Variants in LAMA3 observed in about 807,000 individuals in gnomAD.
LAMA3 encodes the protein laminin subunit alpha 3, also known as laminin subunit alpha-3.
LAMA3 carries 281 observed loss-of-function variants against 402.0 expected under a neutral mutation model. That is an observed-to-expected ratio of 0.70 (90% CI 0.63 to 0.77). LAMA3 has a LOEUF of 0.77. Among genes scored for constraint, LAMA3 ranks in the 30% least tolerant of loss-of-function variants. LAMA3 has a pLI of 0.00. For missense variants in LAMA3, 3,840 were observed against 4,215.5 expected, an observed-to-expected ratio of 0.91 and a Z score of 2.47; for synonymous variants, 1,431 against 1,558.4, an observed-to-expected ratio of 0.92 and a Z score of 1.93.
intron 19 of LAMA3, among the ~76,000 whole-genome samples, chr18:23,820,362 A>C (rs1037586450): frequency 6.6e-6 from 1 of 152,206 alleles, no homozygotes; most frequent in African/African-American, 2.4e-5. Context: ...CTTTAAAGCC[A>C]TTTGTGGAAA....
chr18:23,903,324 T>C (rs1201460817), intron 49 of LAMA3, among the ~76,000 whole-genome samples, 199 bp downstream of exon 49: 2 of 152,202 alleles, frequency 1.3e-5, no homozygotes, highest in Non-Finnish European at 2.9e-5. Flanking sequence ...TTCATATGTA[T>C]TACCTAATTT....
intron 57 of LAMA3, 29 bp from the exon 58 acceptor site, chr18:23,914,669 A>G (rs2081551345): frequency 1.3e-6 from 2 of 1,599,836 alleles, no homozygotes; most frequent in South Asian, 2.2e-5. Context: ...TTTTTGTTTA[A>G]CTTTATTATC....
intron 1 of LAMA3, among the ~76,000 whole-genome samples, chr18:23,707,070 C>T (rs1373197619): frequency 6.6e-6 from 1 of 152,192 alleles, no homozygotes; most frequent in Non-Finnish European, 1.5e-5. Context: ...AAGAGTGAAA[C>T]TCCGTCTCAA....
Position 23,914,565 on chromosome 18 carries a change from CA to C in LAMA3, c.7481+6del. 6.2e-7 allele frequency: 1 copy of C among 1,613,916 alleles called. No individual in the cohort carries two copies. Among genetic ancestry groups the C allele is most frequent in the Non-Finnish European group, 8.5e-7 (1 of 1,179,890 alleles). On this transcript the variant is annotated splice_donor_5th_base_variant and intron_variant, in intron 57 of 74. Coordinates refer to ENST00000313654, the MANE Select transcript of LAMA3 (RefSeq NM_198129.4). ...TGGATCGGGTGAAATTTCAGAGGTA[CA>C]AGTCTGATTGACTGTACCTGTGCTC...
intron 69 of LAMA3, 117 bp downstream of exon 69, chr18:23,944,088 G>A: frequency 9.8e-7 from 1 of 1,024,878 alleles, no homozygotes; most frequent in Non-Finnish European, 1.5e-6. Context: ...GGGAGAGCTT[G>A]TGTGCTTGCA....
chr18:23,935,224 G>A (rs1450254823), intron 67 of LAMA3, among the ~76,000 whole-genome samples: 1 of 152,220 alleles, frequency 6.6e-6, no homozygotes, highest in East Asian at 1.9e-4. Context: ...ACCCAGTCTG[G>A]GTTATTGGAT....
rs747034028 is a variant in LAMA3, at chr18:23,816,440, G to A, written c.2100G>A (p.Ser700=). 1.2e-5 allele frequency: 20 copies of A among 1,613,948 alleles called. 1 individual carries two copies. The highest frequency in any genetic ancestry group is 1.6e-5 in the Non-Finnish European group (19 of 1,180,010). Residue 700 remains serine, a synonymous_variant, in exon 18 of 75, where the codon TCG becomes TCA. Transcript: ENST00000313654. ...GALSSMCSGP[S]GVCQCREHVV... Reference sequence around the variant, plus strand: ...TGTCCTCCATGTGCAGTGGGCCCTCGGGAGTGTGCCAGTGCCGAGAGCATG... The same window carrying A: ...TGTCCTCCATGTGCAGTGGGCCCTCAGGAGTGTGCCAGTGCCGAGAGCATG...
intron 2 of LAMA3, among the ~76,000 whole-genome samples, chr18:23,715,949 C>G (rs1384723208): frequency 6.6e-6 from 1 of 152,154 alleles, no homozygotes; most frequent in Non-Finnish European, 1.5e-5. Context: ...CTTTCAACCT[C>G]TTTAGTCCAT....
At chr18:23,904,719 T>C (rs1357484314) in intron 51 of LAMA3, 25 bp downstream of exon 51, 1 of 1,612,900 alleles carries the variant, frequency 6.2e-7, no homozygotes, top group South Asian at 1.1e-5. Context: ...CAGCAGCTTC[T>C]CCACATTCGC....
chr18:23,911,014 C>CGCAGAGACTCAGAGAAGGTTCTGA (rs1555735991), intron 55 of LAMA3, among the ~76,000 whole-genome samples: 2 of 150,384 alleles, frequency 1.3e-5, no homozygotes, highest in East Asian at 2.3e-4. Flanking sequence ...CCAGTTCTGT[C>CGCAGAGACTCAGAGAAGGTTCTGA]AGTCATGTTC....
chr18:23,776,163 G>A (rs144402076), intron 10 of LAMA3, among the ~76,000 whole-genome samples: 3 of 152,240 alleles, frequency 2.0e-5, no homozygotes, highest in Non-Finnish European at 2.9e-5. Flanking sequence ...ATCTCAGTAG[G>A]TCAAAAAGTC....
At position 23,881,954 on chromosome 18, in the gene LAMA3, G is replaced by T; in HGVS notation, c.5131G>T (p.Ala1711Ser). Residue 1711 changes from alanine to serine, a missense_variant, in exon 40 of 75, where the codon GCG becomes TCG. This residue lies in a region of LAMA3 where 2,109 missense variants were observed against 2,376.0 expected (regional missense o/e 0.89). Transcript: ENST00000313654. ...TCCCCAGAACTGTCAGCACAACACC[G>T]CGGGAGAGCACTGTGAACGCTGCCA... ...GICVNCQHNT[A>S]GEHCERCQEG... 6.2e-7 allele frequency: 1 copy of T among 1,613,736 alleles called. No homozygotes were observed. The highest frequency in any genetic ancestry group is 1.1e-5 in the South Asian group (1 of 91,084).
At position 23,717,808 on chromosome 18, in the gene LAMA3, A is replaced by G. The variant is rs893019316; in HGVS notation, c.447+3736A>G. On this transcript the variant is annotated intron_variant, in intron 2 of 74. Coordinates refer to ENST00000313654, the MANE Select transcript of LAMA3 (RefSeq NM_198129.4). The stretch of plus-strand genomic sequence containing the variant: ...CTGGTCTCGAACTCCTGACCTTGTG[A>G]TCCACCCATCTCGGCCTCCCAAAGT... Among the ~76,000 whole-genome samples, 3 of 141,698 alleles carry G rather than the reference A, an allele frequency of 2.1e-5. No homozygotes were observed. In the South Asian group the frequency reaches 6.7e-4, roughly 31 times the overall value. The allele number at this position is 141,698 out of a possible 152,430, so 93.0% of individuals were successfully genotyped here.
intron 1 of LAMA3, chr18:23,710,086 T>C: frequency 1.4e-6 from 1 of 739,192 alleles, no homozygotes. Flanking sequence ...TCAAGCTTGT[T>C]CTCCTGGGGG....
chr18:23,737,209 G>A (rs936658112), intron 2 of LAMA3, among the ~76,000 whole-genome samples: 4 of 152,144 alleles, frequency 2.6e-5, no homozygotes, highest in Non-Finnish European at 5.9e-5. Flanking sequence ...CCCTTCTGGG[G>A]TAGGCTGCCA....
intron 8 of LAMA3, among the ~76,000 whole-genome samples, chr18:23,771,687 T>G (rs1484671291): frequency 1.3e-5 from 2 of 152,154 alleles, no homozygotes; most frequent in Non-Finnish European, 2.9e-5. Context: ...GCGTAAGAGA[T>G]AAGATGAATT....
At chr18:23,775,141 GT>G (rs2062285314) in intron 9 of LAMA3, among the ~76,000 whole-genome samples, 3 of 152,342 alleles carry the variant, frequency 2.0e-5, no homozygotes, top group Admixed American at 6.5e-5. Context: ...TATTTTCCCT[GT>G]CCAGGGTGCA....
At chr18:23,728,843 C>T (rs1231841043) in intron 2 of LAMA3, among the ~76,000 whole-genome samples, 1 of 151,888 alleles carries the variant, frequency 6.6e-6, no homozygotes, top group African/African-American at 2.4e-5. Flanking sequence ...CCAGCCTGGC[C>T]AACATGGTGA....
chr18:23,797,239 C>T (rs1020558287), intron 12 of LAMA3, among the ~76,000 whole-genome samples: 1 of 151,838 alleles, frequency 6.6e-6, no homozygotes. Flanking sequence ...GATGGCCTTC[C>T]TTGTCTTGTA....
Sources: allele counts gnomAD v4.1 joint callset (sites outside exome capture counted in the v4.1 genomes callset), GRCh38; gene constraint gnomAD v4.1.1; regional missense constraint gnomAD v4.1.1; transcripts MANE v1.5; gene names NCBI Gene and HGNC (gene_info 2026-07-23, HGNC 2026-07-21).